BNC2: variants seen among roughly 807,000 people sequenced by gnomAD.
BNC2 encodes zinc finger protein basonuclin-2.
In BNC2, 20 loss-of-function variants were observed where a neutral mutation model predicts 76.3. The observed-to-expected ratio is 0.26, with a 90% CI of 0.18 to 0.38. BNC2 has a LOEUF of 0.38. Among genes scored for constraint, BNC2 ranks in the 10% least tolerant of loss-of-function variants. The pLI is 1.00. For missense variants in BNC2, 1,382 were observed against 1,399.8 expected (o/e 0.99, Z 0.20); for synonymous variants, 582 against 514.8 (o/e 1.13, Z -1.77).
At chr9:16,518,608 GTTT>G (rs71325974) in intron 5 of BNC2, among the ~76,000 whole-genome samples, 25,317 of 141,852 alleles carry the variant, frequency 0.18, 3,549 homozygotes, top group African/African-American at 0.41. Flanking sequence ...TTGTTTGTTT[GTTT>G]TTTGTTTTTT....
At chr9:16,784,760 T>C (rs1331053160) in intron 1 of BNC2, among the ~76,000 whole-genome samples, 1 of 152,116 alleles carries the variant, frequency 6.6e-6, no homozygotes, top group Non-Finnish European at 1.5e-5. Flanking sequence ...TCAGTGGGAA[T>C]GAAAAGGAGT....
chr9:16,525,708 G>A (rs942517537), intron 5 of BNC2, among the ~76,000 whole-genome samples: 1 of 152,164 alleles, frequency 6.6e-6, no homozygotes, highest in East Asian at 1.9e-4. Flanking sequence ...ATATGAAGTT[G>A]TTTACAAGAT....
chr9:16,824,293 A>G (rs78126573), intron 1 of BNC2, among the ~76,000 whole-genome samples: 1 of 152,306 alleles, frequency 6.6e-6, no homozygotes, highest in Non-Finnish European at 1.5e-5. Flanking sequence ...GATACAACAC[A>G]CAAAGAAACT....
chr9:16,536,740 G>A (rs183979515), intron 5 of BNC2, among the ~76,000 whole-genome samples: 4 of 151,976 alleles, frequency 2.6e-5, no homozygotes, highest in South Asian at 4.1e-4. Context: ...ATGAATCTTC[G>A]TATTTTTGCT....
At chr9:16,479,002 A>G (rs1462497479) in intron 5 of BNC2, among the ~76,000 whole-genome samples, 3 of 152,252 alleles carry the variant, frequency 2.0e-5, no homozygotes, top group Non-Finnish European at 4.4e-5. Flanking sequence ...CTGTAATCCC[A>G]GCACTTTGGA....
chr9:16,534,626 G>C (rs1167821123), intron 5 of BNC2, among the ~76,000 whole-genome samples: 5 of 151,880 alleles, frequency 3.3e-5, no homozygotes, highest in African/African-American at 1.2e-4. Flanking sequence ...TTTGTAGGTA[G>C]GTATACTCTT....
At chr9:16,477,409 T>C (rs1302081659) in intron 5 of BNC2, among the ~76,000 whole-genome samples, 1 of 152,064 alleles carries the variant, frequency 6.6e-6, no homozygotes, top group Non-Finnish European at 1.5e-5. Flanking sequence ...TCTTAACAAA[T>C]CAAGATTTTA....
intron 5 of BNC2, among the ~76,000 whole-genome samples, chr9:16,453,180 T>C (rs1280872381): frequency 6.6e-6 from 1 of 152,210 alleles, no homozygotes; most frequent in Non-Finnish European, 1.5e-5. Flanking sequence ...GTAATAGATA[T>C]GTATTCTGTT....
chr9:16,493,317 CA>C (rs1360042899), intron 5 of BNC2, among the ~76,000 whole-genome samples: 1 of 152,078 alleles, frequency 6.6e-6, no homozygotes, highest in Non-Finnish European at 1.5e-5. Context: ...CAGATCTGGC[CA>C]ACAACCTGAA....
intron 3 of BNC2, among the ~76,000 whole-genome samples, chr9:16,596,383 C>T (rs1446517763): frequency 6.6e-6 from 1 of 152,056 alleles, no homozygotes; most frequent in Non-Finnish European, 1.5e-5. Context: ...AAAATACATA[C>T]ACATATACAT....
intron 1 of BNC2, among the ~76,000 whole-genome samples, chr9:16,845,496 C>T (rs539306734): frequency 3.3e-4 from 50 of 151,982 alleles, no homozygotes; most frequent in Admixed American, 4.6e-4. Flanking sequence ...CCAAGGCGGG[C>T]GGATCACAAG....
chr9:16,521,743 A>C (rs998538506), intron 5 of BNC2, among the ~76,000 whole-genome samples: 1 of 152,184 alleles, frequency 6.6e-6, no homozygotes. Flanking sequence ...TTAAAACTCC[A>C]TATCATGTTA....
chr9:16,801,037 A>G (rs1817767609), intron 1 of BNC2, among the ~76,000 whole-genome samples: 1 of 152,182 alleles, frequency 6.6e-6, no homozygotes, highest in Admixed American at 6.5e-5. Flanking sequence ...CTAGATGAAA[A>G]AAGAACCCAA....
chr9:16,502,946 T>C (rs1321836256), intron 5 of BNC2, among the ~76,000 whole-genome samples: 2 of 152,148 alleles, frequency 1.3e-5, no homozygotes, highest in African/African-American at 2.4e-5. Flanking sequence ...CGTATTCTAA[T>C]CTACCCTAGA....
chr9:16,866,376 TA>T, intron 1 of BNC2, among the ~76,000 whole-genome samples: 1 of 152,112 alleles, frequency 6.6e-6, no homozygotes, highest in South Asian at 2.1e-4. Context: ...AACCATCATT[TA>T]CAGAAAAGGG....
chr9:16,542,179 G>T (rs927359878), intron 5 of BNC2, among the ~76,000 whole-genome samples: 2 of 152,072 alleles, frequency 1.3e-5, no homozygotes, highest in African/African-American at 4.8e-5. Flanking sequence ...AGAACCTTTG[G>T]TTCTCAAAGT....
chr9:16,521,710 C>G (rs773881351), intron 5 of BNC2, among the ~76,000 whole-genome samples: 1 of 152,138 alleles, frequency 6.6e-6, no homozygotes, highest in African/African-American at 2.4e-5. Flanking sequence ...AGTGCTACTT[C>G]CTACTAACAG....
intron 1 of BNC2, among the ~76,000 whole-genome samples, chr9:16,808,600 C>T (rs1817970798): frequency 6.7e-6 from 1 of 149,556 alleles, no homozygotes; most frequent in African/African-American, 2.4e-5. Context: ...GTGATCCTCC[C>T]ACCTCGGCCT....
chr9:16,771,112 C>T (rs181966731), intron 1 of BNC2, among the ~76,000 whole-genome samples: 4 of 152,042 alleles, frequency 2.6e-5, no homozygotes, highest in South Asian at 2.1e-4. Context: ...GAGGTTGCAG[C>T]GAGCCAAGAT....
Sources: allele counts gnomAD v4.1 joint callset (sites outside exome capture counted in the v4.1 genomes callset), GRCh38; gene constraint gnomAD v4.1.1; transcripts MANE v1.5; gene names NCBI Gene and HGNC (gene_info 2026-07-23, HGNC 2026-07-21).